Variants in MAD1L1 observed in about 807,000 individuals in gnomAD.
MAD1L1 encodes the protein mitotic spindle assembly checkpoint protein MAD1.
In MAD1L1, 95 loss-of-function variants were observed where a neutral mutation model predicts 96.9. The ratio of observed to expected loss-of-function variants is 0.98; its 90% CI spans 0.83 to 1.16. MAD1L1 has a LOEUF of 1.16. MAD1L1 is among the 50% of genes most tolerant of loss of function. The pLI, the probability that MAD1L1 is intolerant of heterozygous loss-of-function variation, is 0.00. For synonymous variants in MAD1L1, 473 were observed against 396.6 expected, an observed-to-expected ratio of 1.19 and a Z score of -2.29; for missense variants, 1,007 against 954.4, an observed-to-expected ratio of 1.06 and a Z score of -0.73.
chr7:2,120,458 C>A (rs558285589), intron 11 of MAD1L1, among the ~76,000 whole-genome samples: 1 of 152,224 alleles, frequency 6.6e-6, no homozygotes, highest in Non-Finnish European at 1.5e-5. Flanking sequence ...GGGGTCACCA[C>A]CCTGCAATCT....
intron 16 of MAD1L1, among the ~76,000 whole-genome samples, chr7:1,947,952 G>C (rs987091924): frequency 5.9e-5 from 9 of 152,228 alleles, no homozygotes; most frequent in African/African-American, 1.9e-4. Flanking sequence ...GCCTGAAGCA[G>C]ACAGAGAAAC....
At chr7:1,816,255 G>A in intron 18 of MAD1L1, 27 bp from the exon 19 acceptor site, 1 of 1,602,274 alleles carries the variant, frequency 6.2e-7, no homozygotes, top group Non-Finnish European at 8.5e-7. Context: ...AAAGAGACAA[G>A]ACAGCGGTCA....
intron 18 of MAD1L1, among the ~76,000 whole-genome samples, chr7:1,866,931 A>G (rs1234430064): frequency 6.6e-6 from 1 of 152,148 alleles, no homozygotes; most frequent in Non-Finnish European, 1.5e-5. Context: ...CCATGCCCAC[A>G]GCGGTCCTCC....
intron 10 of MAD1L1, among the ~76,000 whole-genome samples, chr7:2,161,139 G>GTCTC (rs1562741798): frequency 1.7e-3 from 2 of 1,152 alleles, no homozygotes; most frequent in South Asian, 0.053. Context: ...CCTTTGCACG[G>GTCTC]TCTCCCTCTG....
intron 5 of MAD1L1, chr7:2,221,137 T>C (rs1793584379): frequency 3.2e-6 from 3 of 927,906 alleles, no homozygotes; most frequent in South Asian, 1.6e-5. Context: ...CGCCACCATC[T>C]TCCCCTCACT....
intron 11 of MAD1L1, among the ~76,000 whole-genome samples, chr7:2,136,829 C>T (rs1245598894): frequency 6.6e-6 from 1 of 152,250 alleles, no homozygotes; most frequent in African/African-American, 2.4e-5. Context: ...CCAAGAATCC[C>T]AGCTCGGCAT....
intron 10 of MAD1L1, among the ~76,000 whole-genome samples, chr7:2,168,287 AAG>A (rs200959706): frequency 0.045 from 6,517 of 144,346 alleles, 471 homozygotes; most frequent in African/African-American, 0.15. Flanking sequence ...TGTCTAAAAA[AAG>A]AAAAAAAAAG....
chr7:1,834,600 T>C (rs1053794426), intron 18 of MAD1L1, among the ~76,000 whole-genome samples: 4 of 152,276 alleles, frequency 2.6e-5, no homozygotes, highest in Non-Finnish European at 5.9e-5. Context: ...TGAATAACTC[T>C]ATGTCTATCA....
chr7:1,879,770 G>A (rs572134495), intron 18 of MAD1L1, among the ~76,000 whole-genome samples: 4 of 152,226 alleles, frequency 2.6e-5, no homozygotes, highest in South Asian at 2.1e-4. Flanking sequence ...TCACTCTGTC[G>A]CCCAAGCTGG....
At position 2,029,447 on chromosome 7, in the gene MAD1L1, C is replaced by G. The variant is rs376387394; in HGVS notation, c.1219-14805G>C. Among the ~76,000 whole-genome samples the G allele has an allele frequency of 3.6e-4, 55 of 152,244 alleles. No homozygotes were observed. In the South Asian group the frequency reaches 0.011, roughly 29 times the overall value. On this transcript the variant is annotated intron_variant, in intron 12 of 18. Coordinates refer to ENST00000265854, the MANE Select transcript of MAD1L1 (RefSeq NM_001013836.2). ...GTGAACTTGGGAGCCCTGGTGACAC[C>G]GTGTTCCCGACCGTGGAGCTGAGAC...
intron 16 of MAD1L1, among the ~76,000 whole-genome samples, chr7:1,939,807 T>C (rs945566075): frequency 6.6e-6 from 1 of 151,882 alleles, no homozygotes; most frequent in Non-Finnish European, 1.5e-5. Flanking sequence ...TGTGGGCCAC[T>C]GCTCTCCAAG....
intron 12 of MAD1L1, among the ~76,000 whole-genome samples, chr7:2,064,915 G>C (rs73283548): frequency 0.093 from 14,082 of 152,162 alleles, 2,106 homozygotes; most frequent in African/African-American, 0.31. Context: ...TGGGAGGACA[G>C]AGGCTTCTTC....
At chr7:1,828,273 G>A (rs1420405948) in intron 18 of MAD1L1, among the ~76,000 whole-genome samples, 5 of 152,312 alleles carry the variant, frequency 3.3e-5, no homozygotes, top group African/African-American at 7.2e-5. Flanking sequence ...TGAGAGACGG[G>A]GCGAGCCTGG....
chr7:2,051,819 C>T (rs1175929281), intron 12 of MAD1L1, among the ~76,000 whole-genome samples: 3 of 151,618 alleles, frequency 2.0e-5, no homozygotes, highest in Non-Finnish European at 4.4e-5. Flanking sequence ...CCCCATCCCC[C>T]ACCAGCTGCC....
intron 17 of MAD1L1, among the ~76,000 whole-genome samples, chr7:1,930,841 T>C (rs1213641500): frequency 1.3e-5 from 2 of 152,054 alleles, no homozygotes; most frequent in Admixed American, 1.3e-4. Flanking sequence ...CCTGAAGCCC[T>C]CACAACTTAC....
chr7:1,875,251 G>C (rs2128659808), intron 18 of MAD1L1, among the ~76,000 whole-genome samples: 1 of 152,376 alleles, frequency 6.6e-6, no homozygotes, highest in African/African-American at 2.4e-5. Flanking sequence ...ACTCAAGCCT[G>C]CGCTGTGCAC....
intron 15 of MAD1L1, among the ~76,000 whole-genome samples, chr7:1,975,273 G>T (rs930937100): frequency 6.6e-6 from 1 of 152,218 alleles, no homozygotes; most frequent in Non-Finnish European, 1.5e-5. Flanking sequence ...CCCCCTCGGG[G>T]CCACGCCTTC....
chr7:2,045,028 G>T (rs1783859199), intron 12 of MAD1L1, among the ~76,000 whole-genome samples: 1 of 152,212 alleles, frequency 6.6e-6, no homozygotes, highest in East Asian at 1.9e-4. Context: ...GGCCGCAGAG[G>T]CACGATCTGA....
chr7:2,110,733 A>C (rs904162961), intron 11 of MAD1L1, among the ~76,000 whole-genome samples: 1 of 152,164 alleles, frequency 6.6e-6, no homozygotes, highest in Non-Finnish European at 1.5e-5. Flanking sequence ...TTCACCAATT[A>C]ATAAAAGCTA....
Sources: gnomAD v4.1 joint callset for allele counts (sites outside exome capture counted in the v4.1 genomes callset) on GRCh38, gnomAD v4.1.1 for gene constraint, MANE v1.5 for transcripts, NCBI Gene and HGNC (gene_info 2026-07-23, HGNC 2026-07-21) for gene names.